Variants in YAE1 observed in about 807,000 individuals in gnomAD.
The protein encoded by YAE1 is protein YAE1 homolog.
YAE1 carries 22 observed loss-of-function variants against 23.0 expected under a neutral mutation model. That is an observed-to-expected ratio of 0.96 (90% confidence interval 0.68 to 1.37). The LOEUF is 1.37. Ranked by LOEUF, YAE1 falls within the 40% of genes most tolerant of loss-of-function variation. The pLI is 0.00. For synonymous variants in YAE1, 101 were observed against 97.0 expected (o/e 1.04, Z -0.24); for missense variants, 260 against 262.1 (o/e 0.99, Z 0.06).
chr7:39,575,811 C>G (rs931506823), downstream of YAE1, among the ~76,000 whole-genome samples: 3 of 152,208 alleles, frequency 2.0e-5, no homozygotes, highest in African/African-American at 4.8e-5. Context: ...GCTAAAGTCA[C>G]TGATAGCCAG....
At chr7:39,609,402 C>T (rs1791173734) in intron 2 of YAE1, 1 of 626,874 alleles carries the variant, frequency 1.6e-6, no homozygotes. Flanking sequence ...ATTTACATCA[C>T]CATCATGTGG....
intron 1 of YAE1, chr7:39,569,506 GT>G: frequency 2.0e-6 from 1 of 497,502 alleles, no homozygotes; most frequent in South Asian, 1.7e-5. Context: ...TCTTCCTCCA[GT>G]TTTTTCAAAG....
Position 39,605,263 on chromosome 7 carries a change from G to A in YAE1, c.252-4354G>A, listed in dbSNP as rs149472279. Among the ~76,000 whole-genome samples the A allele has an allele frequency of 2.7e-3, 405 of 152,216 alleles. 1 individual carries two copies. The highest frequency in any genetic ancestry group is 4.5e-3 in the Non-Finnish European group (306 of 68,000). ...TTGTGGTTAACCTATGAGCTGTGAT[G>A]GTTAATTTTATGTGTCATCTTGGCT... On this transcript the variant is annotated intron_variant, in intron 2 of 2. Transcript: ENST00000432096.
intron 1 of YAE1, chr7:39,570,033 A>G: frequency 7.3e-7 from 1 of 1,366,392 alleles, no homozygotes; most frequent in Non-Finnish European, 1.0e-6. Context: ...CAAGCAGGGC[A>G]CCACGGGGCA....
At chr7:39,609,852 C>T (rs1354757203) in exon 3 of YAE1, 1 of 1,533,386 alleles carries the variant, frequency 6.5e-7, no homozygotes, top group Non-Finnish European at 8.7e-7. Flanking sequence ...GCCGAGCCAC[C>T]GCCGGCGTTT....
chr7:39,571,795 G>C (rs910679554), intron 2 of YAE1, among the ~76,000 whole-genome samples: 1 of 152,184 alleles, frequency 6.6e-6, no homozygotes, highest in Non-Finnish European at 1.5e-5. Flanking sequence ...GCCCAGGAAA[G>C]TGAAGTCTCT....
At chr7:39,608,392 A>G (rs898001873) in intron 2 of YAE1, among the ~76,000 whole-genome samples, 2 of 152,222 alleles carry the variant, frequency 1.3e-5, no homozygotes, top group African/African-American at 4.8e-5. Flanking sequence ...GAGAAGACGT[A>G]GGGATTGAGA....
intron 2 of YAE1, among the ~76,000 whole-genome samples, chr7:39,593,173 A>ATTTTT (rs1790924411): frequency 1.0e-4 from 4 of 40,058 alleles, no homozygotes; most frequent in African/African-American, 2.0e-4. Flanking sequence ...CCATTTGGTT[A>ATTTTT]TTTCTTTTTT....
At chr7:39,609,956 T>C (rs1257804557) in exon 3 of YAE1, 3 of 1,521,330 alleles carry the variant, frequency 2.0e-6, no homozygotes, top group Non-Finnish European at 2.6e-6. Context: ...CAACATATAA[T>C]AGAATCATTA....
In YAE1 at chr7:39,588,855, T is replaced by C. The variant is rs1019916150; in HGVS notation, c.251+18228T>C. Among the ~76,000 whole-genome samples the C allele has an allele frequency of 3.3e-5, 5 of 152,014 alleles. No individual in the cohort carries two copies. The East Asian group carries it at 5.8e-4, about 18-fold the overall frequency. ...TTCTTTTTTTTGGAGACAGAGTCTT[T>C]ATCTGTCGCCCAAGCTGGAGTGCAG... is the stretch of plus-strand genomic sequence containing the variant. On this transcript the variant is annotated intron_variant, in intron 2 of 2. Coordinates refer to the YAE1 transcript ENST00000432096.
At chr7:39,587,375 CA>C (rs1224240224) in intron 2 of YAE1, among the ~76,000 whole-genome samples, 16 of 142,132 alleles carry the variant, frequency 1.1e-4, no homozygotes, top group South Asian at 2.2e-4. Context: ...GACTCTGGCT[CA>C]AAAAAAAAAG....
At chr7:39,594,383 C>A (rs145057766) in intron 2 of YAE1, among the ~76,000 whole-genome samples, 5 of 152,276 alleles carry the variant, frequency 3.3e-5, no homozygotes, top group Non-Finnish European at 2.9e-5. Context: ...CCGGTGCAAG[C>A]CTTGCTGGAG....
exon 3 of YAE1, chr7:39,610,317 T>C (rs982930252): frequency 2.0e-6 from 1 of 489,318 alleles, no homozygotes; most frequent in Non-Finnish European, 3.9e-6. Flanking sequence ...AGGTTTGACC[T>C]CAAGGCATGG....
intron 2 of YAE1, among the ~76,000 whole-genome samples, chr7:39,580,339 A>G (rs1463843036): frequency 6.6e-6 from 1 of 152,204 alleles, no homozygotes. Context: ...CCACTCACAT[A>G]TGTGCATACT....
At chr7:39,600,392 GTATT>G (rs1044416757) in intron 2 of YAE1, among the ~76,000 whole-genome samples, 5 of 151,662 alleles carry the variant, frequency 3.3e-5, no homozygotes, top group South Asian at 2.1e-4. Flanking sequence ...TATTTATTTT[GTATT>G]TATTTATTTA....
chr7:39,598,111 A>AGTTT (rs902866615), intron 2 of YAE1, among the ~76,000 whole-genome samples: 38 of 151,702 alleles, frequency 2.5e-4, no homozygotes, highest in African/African-American at 1.9e-4. Context: ...TGCCCTGCCA[A>AGTTT]GTTTGTTTGT....
Position 39,596,195 on chromosome 7 carries a change from T to C in YAE1, c.252-13422T>C, listed in dbSNP as rs998420841. ...GATTTGGCAATCTGTAAGTCACTTA[T>C]TTTTTTTTCTTTTTTTGGAGGCGGA... On this transcript the variant is annotated intron_variant, in intron 2 of 2. Coordinates refer to the YAE1 transcript ENST00000432096. 3.1e-5 allele frequency among the ~76,000 whole-genome samples: 4 copies of C among 127,058 alleles called. No homozygotes were observed. The East Asian group carries it at 7.4e-4, about 24-fold the overall frequency. The allele number at this position is 127,058 out of a possible 152,430, so 83.4% of individuals were successfully genotyped here.
chr7:39,592,594 A>G (rs948971366), intron 2 of YAE1, among the ~76,000 whole-genome samples: 2 of 152,184 alleles, frequency 1.3e-5, no homozygotes, highest in African/African-American at 4.8e-5. Flanking sequence ...AAGTTGAAGC[A>G]TCATATGTAG....
chr7:39,566,573 G>T lies in YAE1; in HGVS notation c.129+26G>T, dbSNP rs781130266. On this transcript the variant is annotated intron_variant, in intron 1 of 2. Transcript: ENST00000223273. ...GTAAACGTGGTGTGGACGGCGCGGG[G>T]TGCTGGGTTGTGGGAAGAGGCGCGG... The T allele has an allele frequency of 2.5e-6, 4 of 1,612,286 alleles. No individual in the cohort carries two copies. The East Asian group carries it at 8.9e-5, about 36-fold the overall frequency.
Sources: allele counts gnomAD v4.1 joint callset (sites outside exome capture counted in the v4.1 genomes callset), GRCh38; gene constraint gnomAD v4.1.1; transcripts MANE v1.5; gene names NCBI Gene and HGNC (gene_info 2026-07-23, HGNC 2026-07-21).